Variants in GRM5 observed in about 807,000 individuals in gnomAD.
GRM5 encodes the protein metabotropic glutamate receptor 5.
A neutral mutation model predicts 83.1 loss-of-function variants in GRM5; 19 were observed. That is an observed-to-expected ratio of 0.23 (90% CI 0.16 to 0.34). The LOEUF is 0.34. GRM5 is among the 10% of genes least tolerant of loss of function. GRM5 has a pLI of 1.00. For synonymous variants in GRM5, 675 were observed against 633.6 expected (o/e 1.07, Z -0.98); for missense variants, 1,160 against 1,588.3 (o/e 0.73, Z 4.58).
At chr11:89,035,294 T>G (rs1163065175) in intron 2 of GRM5, among the ~76,000 whole-genome samples, 1 of 151,838 alleles carries the variant, frequency 6.6e-6, no homozygotes, top group Non-Finnish European at 1.5e-5. Context: ...TGACATGTAC[T>G]TCAGTATGTC....
chr11:88,651,494 C>T (rs535581503), intron 4 of GRM5, among the ~76,000 whole-genome samples: 2 of 152,064 alleles, frequency 1.3e-5, no homozygotes, highest in East Asian at 3.9e-4. Context: ...ACATATGATC[C>T]CCAAATCTCA....
At chr11:88,732,512 C>T (rs1359236876) in intron 3 of GRM5, among the ~76,000 whole-genome samples, 1 of 152,014 alleles carries the variant, frequency 6.6e-6, no homozygotes, top group African/African-American at 2.4e-5. Context: ...CTTGTCACAC[C>T]TTCACAACAA....
At chr11:88,787,874 T>C (rs940491432) in intron 3 of GRM5, among the ~76,000 whole-genome samples, 1 of 152,096 alleles carries the variant, frequency 6.6e-6, no homozygotes, top group African/African-American at 2.4e-5. Context: ...TTTCTGGATA[T>C]GTTAAGTTTG....
chr11:88,775,197 A>G (rs60948685), intron 3 of GRM5, among the ~76,000 whole-genome samples: 17,174 of 152,046 alleles, frequency 0.11, 2,123 homozygotes, highest in African/African-American at 0.31. Context: ...GAATTTATCC[A>G]TTTCTTCTAG....
In GRM5 at chr11:88,767,163, T is replaced by G. The variant is rs1240827103; in HGVS notation, c.911+82743A>C. Among the ~76,000 whole-genome samples, 6 of 151,882 alleles carry G rather than the reference T, an allele frequency of 4.0e-5. No individual in the cohort carries two copies. In the East Asian group the frequency reaches 9.7e-4, roughly 24 times the overall value. The stretch of plus-strand genomic sequence containing the variant: ...TGTTCCTGGCCGAGAATGGCTATTA[T>G]GTAAAATTCAAAAAATAAAAGATGC... On this transcript the variant is annotated intron_variant, in intron 3 of 9. Coordinates refer to ENST00000305447, the MANE Select transcript of GRM5 (RefSeq NM_001143831.3).
intron 4 of GRM5, among the ~76,000 whole-genome samples, chr11:88,613,149 C>T (rs1408625080): frequency 6.6e-6 from 1 of 152,116 alleles, no homozygotes; most frequent in Non-Finnish European, 1.5e-5. Context: ...GTGCCATGTG[C>T]AGACGAGAAG....
intron 3 of GRM5, among the ~76,000 whole-genome samples, chr11:88,685,530 TC>T (rs1189528285): frequency 1.3e-5 from 2 of 152,168 alleles, no homozygotes; most frequent in East Asian, 3.9e-4. Flanking sequence ...CAAATGTTAA[TC>T]CCCAAGACAA....
At chr11:88,851,180 G>A (rs1243628515) in intron 2 of GRM5, among the ~76,000 whole-genome samples, 1 of 152,108 alleles carries the variant, frequency 6.6e-6, no homozygotes, top group Non-Finnish European at 1.5e-5. Flanking sequence ...ATTTCAGAGT[G>A]ACAATTCTCC....
At chr11:88,660,287 A>G (rs1939870901) in intron 3 of GRM5, among the ~76,000 whole-genome samples, 1 of 152,224 alleles carries the variant, frequency 6.6e-6, no homozygotes, top group Non-Finnish European at 1.5e-5. Context: ...TTGCCTCCCT[A>G]AGATTATTCT....
chr11:89,017,920 A>G (rs899874949), intron 2 of GRM5, among the ~76,000 whole-genome samples: 1 of 152,072 alleles, frequency 6.6e-6, no homozygotes, highest in East Asian at 1.9e-4. Flanking sequence ...CTTTGTTTTT[A>G]CTTCTTACCA....
At position 88,653,373 on chromosome 11, in the gene GRM5, T is replaced by A. The variant is rs1486631668; in HGVS notation, c.942A>T (p.Thr314=). The change falls in exon 4 of 10, where the codon ACA becomes ACT. Residue 314 remains threonine (T), a synonymous_variant. Coordinates refer to ENST00000305447, the MANE Select transcript of GRM5 (RefSeq NM_001143831.3). ...CAACAGCTTCTCGCTGATATCCATC[T>A]GTCACATCATACCTGTCAGCCCAGC... ...SDGWADRYDV[T]DGYQREAVGG... 2 of 1,612,726 alleles carry A rather than the reference T, an allele frequency of 1.2e-6. No individual in the cohort carries two copies. The highest frequency in any genetic ancestry group is 3.3e-5 in the Admixed American group (2 of 59,878).
At chr11:88,705,630 T>C (rs1237332646) in intron 3 of GRM5, among the ~76,000 whole-genome samples, 1 of 151,008 alleles carries the variant, frequency 6.6e-6, no homozygotes, top group Non-Finnish European at 1.5e-5. Flanking sequence ...TTCTCCTACC[T>C]TGCTGCCATT....
Position 88,525,295 on chromosome 11 carries a change from C to A in GRM5, c.2726+14G>T. The A allele has an allele frequency of 1.4e-6, 2 of 1,472,572 alleles. No individual in the cohort carries two copies. The highest frequency in any genetic ancestry group is 2.3e-5 in the South Asian group (2 of 87,918). 91.2% of individuals were successfully genotyped at this position (1,472,572 alleles called of 1,614,324 possible). On this transcript the variant is annotated intron_variant, in intron 9 of 9. Transcript: ENST00000305447. ...TTATTTCACACCACCTCAGGCCACT[C>A]ATAGTTTGCTTACCTGCTCATTGTT...
intron 2 of GRM5, among the ~76,000 whole-genome samples, chr11:88,942,188 G>A (rs1938138089): frequency 1.3e-5 from 2 of 151,890 alleles, no homozygotes; most frequent in African/African-American, 4.8e-5. Flanking sequence ...GTATTCTCAG[G>A]CTGTGTCAGA....
At chr11:88,963,078 A>G (rs1366547005) in intron 2 of GRM5, among the ~76,000 whole-genome samples, 1 of 152,228 alleles carries the variant, frequency 6.6e-6, no homozygotes, top group African/African-American at 2.4e-5. Flanking sequence ...TGACAGAACA[A>G]GGCTCTGTCT....
At chr11:88,874,417 T>C (rs1441881682) in intron 2 of GRM5, among the ~76,000 whole-genome samples, 3 of 151,828 alleles carry the variant, frequency 2.0e-5, no homozygotes, top group South Asian at 2.1e-4. Flanking sequence ...CCGTATCTCT[T>C]ATCACTTACA....
chr11:88,971,893 T>C (rs1341782401), intron 2 of GRM5, among the ~76,000 whole-genome samples: 2 of 151,968 alleles, frequency 1.3e-5, no homozygotes, highest in South Asian at 2.1e-4. Flanking sequence ...GCAGGGAAAA[T>C]ACAAGATGAT....
intron 2 of GRM5, among the ~76,000 whole-genome samples, chr11:89,014,662 A>G (rs1286091201): frequency 6.6e-6 from 1 of 152,176 alleles, no homozygotes; most frequent in Non-Finnish European, 1.5e-5. Context: ...TATATTTTTA[A>G]ATAACTTAAA....
At chr11:88,966,643 T>C (rs1477439791) in intron 2 of GRM5, among the ~76,000 whole-genome samples, 1 of 152,090 alleles carries the variant, frequency 6.6e-6, no homozygotes, top group Non-Finnish European at 1.5e-5. Context: ...TTGGGTATGT[T>C]ATAGGCCACT....
Sources: allele counts gnomAD v4.1 joint callset (sites outside exome capture counted in the v4.1 genomes callset), GRCh38; gene constraint gnomAD v4.1.1; transcripts MANE v1.5; gene names NCBI Gene and HGNC (gene_info 2026-07-23, HGNC 2026-07-21).